TRPM3: variants seen among roughly 807,000 people sequenced by gnomAD.
TRPM3 encodes the protein transient receptor potential cation channel subfamily M member 3.
In TRPM3, 77 loss-of-function variants were observed where a neutral mutation model predicts 181.2. That is an observed-to-expected ratio of 0.42 (90% CI 0.35 to 0.51). The LOEUF is 0.51. Among genes scored for constraint, TRPM3 ranks in the 20% least tolerant of loss-of-function variants. TRPM3 has a pLI of 0.01. For synonymous variants in TRPM3, 745 were observed against 796.4 expected (o/e 0.94, Z 1.09); for missense variants, 1,759 against 2,196.7 (o/e 0.80, Z 3.98).
intron 16 of TRPM3, 87 bp from the exon 17 acceptor site, chr9:70,619,182 G>T: frequency 9.2e-7 from 1 of 1,088,880 alleles, no homozygotes; most frequent in Non-Finnish European, 1.3e-6. Flanking sequence ...ACCAGAAAAT[G>T]GGGTCACTGG....
At chr9:71,159,527 T>C (rs1330242769) in intron 1 of TRPM3, among the ~76,000 whole-genome samples, 2 of 152,128 alleles carry the variant, frequency 1.3e-5, no homozygotes, top group African/African-American at 4.8e-5. Context: ...AAAAAAATCC[T>C]AACGAACATA....
chr9:70,883,429 A>G (rs575989630), intron 1 of TRPM3, among the ~76,000 whole-genome samples: 1 of 152,360 alleles, frequency 6.6e-6, no homozygotes, highest in East Asian at 1.9e-4. Flanking sequence ...AGAAATTGAG[A>G]GAGGAGATTA....
At chr9:71,134,018 CGT>C (rs1491373415) in intron 1 of TRPM3, among the ~76,000 whole-genome samples, 10 of 131,230 alleles carry the variant, frequency 7.6e-5, no homozygotes, top group Non-Finnish European at 1.1e-4. Context: ...TGTGTGTGCG[CGT>C]GCGCGCGCGC....
intron 1 of TRPM3, among the ~76,000 whole-genome samples, chr9:71,350,014 A>G (rs1202930236): frequency 6.7e-6 from 1 of 148,572 alleles, no homozygotes; most frequent in Non-Finnish European, 1.5e-5. Flanking sequence ...GGCCTAAAAA[A>G]TGACCTGTGT....
chr9:70,984,476 T>C (rs1192561988), intron 1 of TRPM3, among the ~76,000 whole-genome samples: 2 of 152,192 alleles, frequency 1.3e-5, no homozygotes, highest in African/African-American at 2.4e-5. Context: ...AATCACAAAA[T>C]TCAAAGGAAG....
At chr9:71,438,891 A>G (rs1399278627) in intron 1 of TRPM3, among the ~76,000 whole-genome samples, 2 of 152,240 alleles carry the variant, frequency 1.3e-5, no homozygotes, top group East Asian at 3.8e-4. Context: ...TGTTTGTAAT[A>G]TCCCACAATA....
intron 1 of TRPM3, among the ~76,000 whole-genome samples, chr9:71,428,255 C>CTTTT (rs567636846): frequency 3.1e-5 from 4 of 128,338 alleles, no homozygotes; most frequent in African/African-American, 8.6e-5. Flanking sequence ...CCATGCCCGG[C>CTTTT]TTTTTTTTTT....
At chr9:71,384,243 G>T (rs1318580347) in intron 1 of TRPM3, among the ~76,000 whole-genome samples, 1 of 152,058 alleles carries the variant, frequency 6.6e-6, no homozygotes, top group East Asian at 1.9e-4. Context: ...GAATTCTTTT[G>T]GTTCCTTATT....
At chr9:71,395,797 C>A (rs1047387498) in intron 1 of TRPM3, among the ~76,000 whole-genome samples, 1 of 152,092 alleles carries the variant, frequency 6.6e-6, no homozygotes, top group Non-Finnish European at 1.5e-5. Flanking sequence ...CCTTTTAATA[C>A]CCTTTAATCA....
rs570425930 is a variant in TRPM3 at position 71,018,427 on chromosome 9, G to A, written c.177+102751C>T. The stretch of plus-strand genomic sequence containing the variant: ...AAATGAAACTGATAAAATCCTAGCA[G>A]GACTGATTAGAAAAACAGAAAAGTT... On this transcript the variant is annotated intron_variant, in intron 1 of 25. Coordinates refer to ENST00000677713, the MANE Select transcript of TRPM3 (RefSeq NM_001366145.2). Among the ~76,000 whole-genome samples the A allele has an allele frequency of 1.8e-4, 27 of 151,840 alleles. No homozygotes were observed. In the East Asian group the frequency reaches 2.5e-3, roughly 14 times the overall value.
intron 8 of TRPM3, among the ~76,000 whole-genome samples, chr9:70,698,608 A>C (rs185798418): frequency 1.3e-5 from 2 of 152,282 alleles, no homozygotes; most frequent in East Asian, 1.9e-4. Flanking sequence ...AAACATAGTG[A>C]TATGGTTTGG....
At chr9:71,432,196 C>T (rs2093965145) in intron 1 of TRPM3, among the ~76,000 whole-genome samples, 1 of 152,098 alleles carries the variant, frequency 6.6e-6, no homozygotes. Flanking sequence ...TGTTATCATA[C>T]CAGCCTAACA....
chr9:71,395,958 G>C, intron 1 of TRPM3, among the ~76,000 whole-genome samples: 1 of 151,902 alleles, frequency 6.6e-6, no homozygotes, highest in Non-Finnish European at 1.5e-5. Flanking sequence ...ATCCAGTGAA[G>C]GAAATGTTCA....
intron 22 of TRPM3, among the ~76,000 whole-genome samples, chr9:70,555,042 G>A (rs375715143): frequency 3.3e-5 from 5 of 152,298 alleles, no homozygotes; most frequent in Admixed American, 6.5e-5. Context: ...GCCCTGGGCC[G>A]TGTCTTGCCA....
rs150193034 is a variant in TRPM3 at position 70,741,374 on chromosome 9, G to A, written c.1272+20227C>T. Among the ~76,000 whole-genome samples, 221 of 152,258 alleles carry A rather than the reference G, an allele frequency of 1.5e-3. 10 individuals carry two copies. In the East Asian group the frequency reaches 0.035, roughly 24 times the overall value. ...AACACTGTTTTAACACTGTTGGTGG[G>A]AATGTAATCTAGTACAACCACTATG... On this transcript the variant is annotated intron_variant, in intron 8 of 25. Transcript: ENST00000677713.
At chr9:71,332,376 G>GGGGTGTGT (rs566139399) in intron 1 of TRPM3, among the ~76,000 whole-genome samples, 12 of 142,248 alleles carry the variant, frequency 8.4e-5, no homozygotes, top group African/African-American at 3.1e-4. Flanking sequence ...TTCAATGTTG[G>GGGGTGTGT]GTGTGTGTGT....
At chr9:70,540,650 T>C (rs540113551) in intron 25 of TRPM3, among the ~76,000 whole-genome samples, 22 of 152,362 alleles carry the variant, frequency 1.4e-4, no homozygotes, top group Admixed American at 9.8e-4. Context: ...CAGTGAGCTA[T>C]GACTGTGCCC....
At chr9:71,009,797 C>T (rs543070442) in intron 1 of TRPM3, among the ~76,000 whole-genome samples, 76 of 152,188 alleles carry the variant, frequency 5.0e-4, no homozygotes, top group African/African-American at 1.6e-3. Flanking sequence ...ATTAACAAAG[C>T]GGGAGGCATC....
chr9:71,213,450 C>T (rs1036359891), intron 1 of TRPM3, among the ~76,000 whole-genome samples: 3 of 151,990 alleles, frequency 2.0e-5, no homozygotes, highest in African/African-American at 7.3e-5. Flanking sequence ...AGGTTTAGAA[C>T]AAATATGTTT....
Sources: gnomAD v4.1 joint callset for allele counts (sites outside exome capture counted in the v4.1 genomes callset) on GRCh38, gnomAD v4.1.1 for gene constraint, MANE v1.5 for transcripts, NCBI Gene and HGNC (gene_info 2026-07-23, HGNC 2026-07-21) for gene names.